CLNK: variants seen among roughly 807,000 people sequenced by gnomAD.
CLNK encodes cytokine-dependent hematopoietic cell linker.
Under a neutral mutation model 68.6 loss-of-function variants are expected in CLNK, and 74 were observed. That is an observed-to-expected ratio of 1.08 (90% CI 0.89 to 1.31). CLNK has a LOEUF of 1.31. Among genes scored for constraint, CLNK ranks in the 50% most tolerant of loss-of-function variants. CLNK has a pLI of 0.00. For synonymous variants in CLNK, 198 were observed against 172.2 expected, an observed-to-expected ratio of 1.15 and a Z score of -1.17; for missense variants, 553 against 515.3, an observed-to-expected ratio of 1.07 and a Z score of -0.71.
intron 8 of CLNK, among the ~76,000 whole-genome samples, chr4:10,550,374 A>C (rs2108813731): frequency 6.6e-6 from 1 of 152,288 alleles, no homozygotes; most frequent in East Asian, 1.9e-4. Flanking sequence ...GGGCGCCTGT[A>C]GTCCCAGCTA....
chr4:10,542,083 G>A (rs767427743), intron 9 of CLNK, 42 bp from the exon 10 acceptor site: 1 of 1,536,338 alleles, frequency 6.5e-7, no homozygotes, highest in South Asian at 1.2e-5. Context: ...TTATTGTTCT[G>A]TGAGCAGGGC....
At chr4:10,585,363 G>A (rs1311382030) in intron 3 of CLNK, among the ~76,000 whole-genome samples, 3 of 152,178 alleles carry the variant, frequency 2.0e-5, no homozygotes, top group African/African-American at 7.2e-5. Context: ...ATAAACAGAT[G>A]GTAGCCTATA....
Position 10,662,731 on chromosome 4 carries a change from A to G in CLNK, c.11+5128T>C, listed in dbSNP as rs539304389. On this transcript the variant is annotated intron_variant, in intron 2 of 18. Transcript: ENST00000226951. ...AGTAGATTTTCTAAAATTTTAAGAT[A>G]TTACACATAGATATAGAAAAATAAA... Among the ~76,000 whole-genome samples, 6 of 152,368 alleles carry G rather than the reference A, an allele frequency of 3.9e-5. No homozygotes were observed. The South Asian group carries it at 1.0e-3, about 26-fold the overall frequency.
chr4:10,712,139 T>G, the CLNK span, among the ~76,000 whole-genome samples: 4 of 152,072 alleles, frequency 2.6e-5, no homozygotes, highest in Admixed American at 6.5e-5. Context: ...AATATATATT[T>G]TTGGAAAATA....
chr4:10,498,147 A>T (rs1213027969), intron 18 of CLNK, among the ~76,000 whole-genome samples: 2 of 151,478 alleles, frequency 1.3e-5, no homozygotes, highest in Admixed American at 6.6e-5. Flanking sequence ...GTGAGCCAAG[A>T]TCACGCCATT....
At chr4:10,507,890 T>C (rs2109031850) in intron 17 of CLNK, 69 bp downstream of exon 17, 1 of 1,145,896 alleles carries the variant, frequency 8.7e-7, no homozygotes. Context: ...TTACGTCTTG[T>C]GACACATAAG....
intron 12 of CLNK, among the ~76,000 whole-genome samples, chr4:10,528,968 G>C (rs563817837): frequency 1.3e-5 from 2 of 152,078 alleles, no homozygotes; most frequent in East Asian, 3.9e-4. Flanking sequence ...AAATGTTCAT[G>C]CTTATTGGGC....
chr4:10,562,106 T>TTC (rs1553851067), intron 7 of CLNK, among the ~76,000 whole-genome samples: 3 of 147,718 alleles, frequency 2.0e-5, no homozygotes, highest in Non-Finnish European at 4.5e-5. Context: ...CTTTTCTTTT[T>TTC]TTTTTTTTTT....
intron 2 of CLNK, among the ~76,000 whole-genome samples, chr4:10,624,602 T>G (rs1227301679): frequency 8.6e-5 from 12 of 139,224 alleles, no homozygotes; most frequent in South Asian, 2.2e-4. Context: ...AGTTTTTTTT[T>G]TTTTTTTTTT....
At chr4:10,706,825 C>A in the CLNK span, among the ~76,000 whole-genome samples, 1 of 152,156 alleles carries the variant, frequency 6.6e-6, no homozygotes, top group Non-Finnish European at 1.5e-5. Context: ...AGACCCCCAA[C>A]CAACTGAAAG....
chr4:10,580,766 AAG>A, intron 4 of CLNK, among the ~76,000 whole-genome samples: 1 of 152,222 alleles, frequency 6.6e-6, no homozygotes, highest in Non-Finnish European at 1.5e-5. Context: ...CTTATTAGGA[AAG>A]AGTAAAAAAG....
intron 1 of CLNK, among the ~76,000 whole-genome samples, chr4:10,682,339 G>A (rs760095386): frequency 7.2e-5 from 11 of 152,158 alleles, no homozygotes; most frequent in African/African-American, 1.2e-4. Flanking sequence ...GGTAGGTACA[G>A]CCTAGAAGAA....
intron 2 of CLNK, among the ~76,000 whole-genome samples, chr4:10,620,181 G>C (rs1282794511): frequency 6.6e-6 from 1 of 152,020 alleles, no homozygotes; most frequent in Non-Finnish European, 1.5e-5. Context: ...ACATCTCCTC[G>C]TTGTGAAAAT....
chr4:10,555,832 C>T (rs750344283), intron 8 of CLNK, among the ~76,000 whole-genome samples: 65 of 146,826 alleles, frequency 4.4e-4, no homozygotes, highest in Non-Finnish European at 5.1e-4. Flanking sequence ...AAGCAAGATG[C>T]CTGATCCTAA....
At chr4:10,555,322 G>A (rs538224174) in intron 8 of CLNK, among the ~76,000 whole-genome samples, 8 of 152,064 alleles carry the variant, frequency 5.3e-5, no homozygotes, top group Admixed American at 3.3e-4. Flanking sequence ...TCACATCTAC[G>A]GCAAAGAGAA....
chr4:10,525,106 C>T (rs935974491), intron 14 of CLNK, among the ~76,000 whole-genome samples: 1 of 152,094 alleles, frequency 6.6e-6, no homozygotes, highest in Non-Finnish European at 1.5e-5. Context: ...ACTCTGTCGC[C>T]CAGGCTGGAG....
chr4:10,628,165 A>C (rs1293051442), intron 2 of CLNK, among the ~76,000 whole-genome samples: 1 of 152,232 alleles, frequency 6.6e-6, no homozygotes, highest in South Asian at 2.1e-4. Flanking sequence ...AAAACTTGTA[A>C]CAGCTTCTTG....
At chr4:10,723,480 T>C in the CLNK span, among the ~76,000 whole-genome samples, 1 of 152,210 alleles carries the variant, frequency 6.6e-6, no homozygotes, top group African/African-American at 2.4e-5. Flanking sequence ...TTTATGGATA[T>C]GAATAGGCTC....
the CLNK span, among the ~76,000 whole-genome samples, chr4:10,719,828 A>C: frequency 6.6e-6 from 1 of 152,164 alleles, no homozygotes; most frequent in African/African-American, 2.4e-5. Flanking sequence ...ACATAAAACA[A>C]ACCTTGGCAA....
Sources: allele counts gnomAD v4.1 joint callset (sites outside exome capture counted in the v4.1 genomes callset), GRCh38; gene constraint gnomAD v4.1.1; transcripts MANE v1.5; gene names NCBI Gene and HGNC (gene_info 2026-07-23, HGNC 2026-07-21).